The following UTRN variants were observed in gnomAD, a reference collection of about 807,000 sequenced individuals.
UTRN encodes the protein utrophin.
In UTRN, 283 loss-of-function variants were observed where a neutral mutation model predicts 463.9. The observed-to-expected ratio is 0.61, with a 90% CI of 0.55 to 0.67. The LOEUF (loss-of-function observed/expected upper bound fraction) is 0.67, where lower values mean the gene tolerates loss of function less well. Ranked by LOEUF, UTRN falls within the 30% of genes least tolerant of loss-of-function variation. The pLI is 0.00. For missense variants in UTRN, 3,922 were observed against 4,084.3 expected (o/e 0.96, Z 1.08); for synonymous variants, 1,442 against 1,431.5 (o/e 1.01, Z -0.17).
At chr6:144,760,933 A>G (rs887980696) in intron 58 of UTRN, among the ~76,000 whole-genome samples, 3 of 152,166 alleles carry the variant, frequency 2.0e-5, no homozygotes, top group African/African-American at 7.2e-5. Context: ...AATTATTTTT[A>G]TGTCATATTT....
intron 58 of UTRN, among the ~76,000 whole-genome samples, chr6:144,762,438 C>T: frequency 6.6e-6 from 1 of 152,176 alleles, no homozygotes; most frequent in Non-Finnish European, 1.5e-5. Context: ...TACTATGCAC[C>T]TCCTGTGTGC....
intron 45 of UTRN, among the ~76,000 whole-genome samples, chr6:144,542,512 T>C (rs148574426): frequency 1.3e-5 from 2 of 152,078 alleles, no homozygotes; most frequent in Non-Finnish European, 2.9e-5. Context: ...AAAGCCAGAA[T>C]TGCAGAGTAA....
At chr6:144,388,753 G>A (rs1327873755) in intron 2 of UTRN, among the ~76,000 whole-genome samples, 3 of 152,026 alleles carry the variant, frequency 2.0e-5, no homozygotes. Flanking sequence ...CCACCCACTT[G>A]GGCCTCCCAA....
chr6:144,768,004 A>T (rs926309315), intron 58 of UTRN, among the ~76,000 whole-genome samples: 2 of 152,204 alleles, frequency 1.3e-5, no homozygotes, highest in Admixed American at 6.5e-5. Context: ...TTAAGGTTTC[A>T]TGGAAAAATA....
At chr6:144,609,122 C>T (rs982901950) in intron 51 of UTRN, among the ~76,000 whole-genome samples, 1 of 152,130 alleles carries the variant, frequency 6.6e-6, no homozygotes, top group African/African-American at 2.4e-5. Context: ...ATAGATTAAA[C>T]TCTCTATTAT....
At chr6:144,536,064 G>A (rs1351900828) in intron 43 of UTRN, among the ~76,000 whole-genome samples, 1 of 152,208 alleles carries the variant, frequency 6.6e-6, no homozygotes, top group African/African-American at 2.4e-5. Context: ...ACAGCCGTGA[G>A]CCACCATGCC....
chr6:144,525,494 G>T (rs148491980), intron 41 of UTRN, among the ~76,000 whole-genome samples: 4 of 151,960 alleles, frequency 2.6e-5, no homozygotes, highest in African/African-American at 7.2e-5. Context: ...TAATAGCCTT[G>T]ATCTTTTGTA....
At chr6:144,529,625 A>G (rs1165493575) in intron 41 of UTRN, among the ~76,000 whole-genome samples, 2 of 152,160 alleles carry the variant, frequency 1.3e-5, no homozygotes, top group Non-Finnish European at 2.9e-5. Flanking sequence ...ATGAGTGTCA[A>G]TATCACCTCA....
chr6:144,485,480 C>A lies in UTRN; in HGVS notation c.3783C>A (p.Val1261=), dbSNP rs756772019. ...TLEERMKSTE[V]LPEKTDAVNE... ...AAGAGCGGATGAAGAGCACAGAGGT[C>A]CTGCCTGAGAAGACGGATGCTGTCA... Residue 1261 remains valine (V), a synonymous_variant, in exon 28 of 75, where the codon GTC becomes GTA. Coordinates refer to ENST00000367545, the MANE Select transcript of UTRN (RefSeq NM_007124.3). 3.1e-6 allele frequency: 5 copies of A among 1,614,008 alleles called. No individual in the cohort carries two copies. The East Asian group carries it at 1.1e-4, about 36-fold the overall frequency.
chr6:144,536,342 A>T (rs888250078), intron 43 of UTRN, among the ~76,000 whole-genome samples: 3 of 152,194 alleles, frequency 2.0e-5, no homozygotes, highest in Non-Finnish European at 4.4e-5. Flanking sequence ...AAGGCCTATA[A>T]TAGTATTTTG....
At chr6:144,403,224 G>A (rs373451637) in intron 3 of UTRN, 40 bp downstream of exon 3, 22 of 1,572,216 alleles carry the variant, frequency 1.4e-5, no homozygotes, top group South Asian at 9.0e-5. Flanking sequence ...TTCAGATGCC[G>A]CATTCTGATT....
intron 25 of UTRN, among the ~76,000 whole-genome samples, chr6:144,476,535 G>T (rs1036544859): frequency 1.3e-5 from 2 of 152,140 alleles, no homozygotes; most frequent in African/African-American, 2.4e-5. Context: ...GTCATTTACT[G>T]CAATAACGAA....
At chr6:144,767,447 ACTTC>A (rs952725562) in intron 58 of UTRN, among the ~76,000 whole-genome samples, 2 of 152,164 alleles carry the variant, frequency 1.3e-5, no homozygotes, top group African/African-American at 4.8e-5. Flanking sequence ...ATGCAAATAT[ACTTC>A]CATATCAAGA....
At chr6:144,709,696 G>T (rs1448876991) in intron 53 of UTRN, among the ~76,000 whole-genome samples, 1 of 152,158 alleles carries the variant, frequency 6.6e-6, no homozygotes, top group Non-Finnish European at 1.5e-5. Context: ...AAGAATATCA[G>T]ATGGAATTTT....
chr6:144,782,614 T>A (rs1775935702), intron 61 of UTRN, among the ~76,000 whole-genome samples: 1 of 138,974 alleles, frequency 7.2e-6, no homozygotes, highest in Admixed American at 8.3e-5. Flanking sequence ...TGCATAGTGG[T>A]TATGTGTGTG....
chr6:144,770,795 G>C (rs1388508455), intron 58 of UTRN, among the ~76,000 whole-genome samples: 1 of 152,130 alleles, frequency 6.6e-6, no homozygotes, highest in Non-Finnish European at 1.5e-5. Flanking sequence ...TAATAATACT[G>C]GTTAATGAGA....
intron 51 of UTRN, among the ~76,000 whole-genome samples, chr6:144,653,728 T>C (rs547284774): frequency 2.0e-5 from 3 of 152,306 alleles, no homozygotes; most frequent in South Asian, 2.1e-4. Flanking sequence ...GTAGGACTTA[T>C]TGAGCATCCT....
rs773839097 is a variant in UTRN, at chr6:144,453,770, C to G, written c.2197-12C>G. On this transcript the variant is annotated splice_polypyrimidine_tract_variant and intron_variant, in intron 18 of 74. Transcript: ENST00000367545. ...AGTTTGCAATATTCTTATGTTGGGA[C>G]TTCATTTGCAGGCATTAGAAAAAGA... The G allele has an allele frequency of 4.0e-5, 65 of 1,608,888 alleles. No individual in the cohort carries two copies. The highest frequency in any genetic ancestry group is 5.5e-5 in the Non-Finnish European group (65 of 1,177,198).
intron 51 of UTRN, among the ~76,000 whole-genome samples, chr6:144,610,851 G>A (rs944125333): frequency 2.6e-5 from 4 of 152,108 alleles, no homozygotes; most frequent in African/African-American, 7.2e-5. Context: ...CTCCAGCCTC[G>A]GGGACAAGAG....
Sources: gnomAD v4.1 joint callset for allele counts (sites outside exome capture counted in the v4.1 genomes callset) on GRCh38, gnomAD v4.1.1 for gene constraint, MANE v1.5 for transcripts, NCBI Gene and HGNC (gene_info 2026-07-23, HGNC 2026-07-21) for gene names.